FLVCR1: variants seen among roughly 807,000 people sequenced by gnomAD.
The protein encoded by FLVCR1 is choline/ethanolamine transporter FLVCR1.
Under a neutral mutation model 53.6 loss-of-function variants are expected in FLVCR1, and 34 were observed. The ratio of observed to expected loss-of-function variants is 0.63; its 90% confidence interval spans 0.48 to 0.84. The LOEUF is 0.84. Among genes scored for constraint, FLVCR1 ranks in the 40% least tolerant of loss-of-function variants. FLVCR1 has a pLI of 0.00. For synonymous variants in FLVCR1, 300 were observed against 286.3 expected (o/e 1.05, Z -0.48); for missense variants, 677 against 696.7 (o/e 0.97, Z 0.32).
intron 5 of FLVCR1, among the ~76,000 whole-genome samples, 177 bp from the exon 6 acceptor site, chr1:212,887,714 T>C (rs1035202317): frequency 4.6e-5 from 7 of 152,206 alleles, no homozygotes; most frequent in African/African-American, 1.4e-4. Context: ...CTGGTGCTGC[T>C]GAATCTTAAA....
In FLVCR1 at chr1:212,872,692, C is replaced by T. The variant is rs1439959048; in HGVS notation, c.898C>T (p.Pro300Ser). 6.2e-7 allele frequency: 1 copy of T among 1,613,130 alleles called. No individual in the cohort carries two copies. Among genetic ancestry groups the T allele is most frequent in the Non-Finnish European group, 8.5e-7 (1 of 1,179,398 alleles). Residue 300 changes from proline to serine, a missense_variant, in exon 3 of 10, where the codon CCT becomes TCT. Physicochemically the swap from Pro to Ser is moderately conservative, Grantham distance 74 (BLOSUM62 -1). Transcript: ENST00000366971. The part of the protein sequence containing the change: ...ILTAIAFKEK[P>S]RYPPSQAQAA... The stretch of plus-strand genomic sequence containing the variant: ...TATATTCTCAGCCTTCAAAGAAAAA[C>T]CTCGGTATCCACCAAGTCAGGCTCA...
At chr1:212,860,676 C>G (rs1664208555) in intron 1 of FLVCR1, among the ~76,000 whole-genome samples, 1 of 152,106 alleles carries the variant, frequency 6.6e-6, no homozygotes, top group Non-Finnish European at 1.5e-5. Context: ...TTACCTATTA[C>G]TTTTCTCTTA....
At chr1:212,871,367 T>C (rs920175278) in intron 2 of FLVCR1, among the ~76,000 whole-genome samples, 5 of 152,194 alleles carry the variant, frequency 3.3e-5, no homozygotes, top group African/African-American at 1.2e-4. Context: ...GTACCATATT[T>C]TAGCAGTTCA....
rs778490394 is a variant in FLVCR1, at chr1:212,858,635, G to A, written c.183G>A (p.Ser61=). 3 of 1,536,220 alleles carry A rather than the reference G, an allele frequency of 2.0e-6. No homozygotes were observed. Among genetic ancestry groups the A allele is most frequent in the East Asian group, 4.9e-5 (2 of 40,760 alleles). Reference sequence around the variant, plus strand: ...CCCGGGACAGCCTCGCTGCCGCCTCGGGAGTTCTGGGCGGGCCTCAGACTC... The same window carrying A: ...CCCGGGACAGCCTCGCTGCCGCCTCAGGAGTTCTGGGCGGGCCTCAGACTC... ...GAPRDSLAAA[S]GVLGGPQTPL... Residue 61 remains serine, a synonymous_variant, in exon 1 of 10, where the codon TCG becomes TCA. Transcript: ENST00000366971.
intron 3 of FLVCR1, among the ~76,000 whole-genome samples, chr1:212,877,917 A>G (rs1056823845): frequency 6.6e-6 from 1 of 152,190 alleles, no homozygotes; most frequent in Non-Finnish European, 1.5e-5. Flanking sequence ...GCTCAGTAAC[A>G]CAAGAAAGAA....
At chr1:212,861,385 T>C (rs150568155) in intron 1 of FLVCR1, among the ~76,000 whole-genome samples, 1 of 152,216 alleles carries the variant, frequency 6.6e-6, no homozygotes, top group African/African-American at 2.4e-5. Context: ...TTCTTTTTGA[T>C]AGCTGAATAA....
At chr1:212,893,701 C>A (rs1385068647) in intron 8 of FLVCR1, among the ~76,000 whole-genome samples, 1 of 152,150 alleles carries the variant, frequency 6.6e-6, no homozygotes, top group East Asian at 1.9e-4. Context: ...AAGGCAAGAC[C>A]CTCCACCAGC....
intron 2 of FLVCR1, among the ~76,000 whole-genome samples, chr1:212,871,065 G>A (rs913324881): frequency 2.8e-4 from 42 of 151,974 alleles, no homozygotes; most frequent in African/African-American, 9.9e-4. Context: ...CCACTGTGCC[G>A]GGCTTCTTTT....
rs10864027 is a variant in FLVCR1 at position 212,897,709 on chromosome 1, G to A, written c.*2419G>A. Reference sequence around the variant, plus strand: ...AGAGATGTCACATGGCGAAGCAGGAGCAAGAGAGCAGGGAGGTGCCACACA... The same window carrying A: ...AGAGATGTCACATGGCGAAGCAGGAACAAGAGAGCAGGGAGGTGCCACACA... On this transcript the variant is annotated 3_prime_UTR_variant, in exon 10 of 10. Transcript: ENST00000366971. 0.39 allele frequency: 59,705 copies of A among 151,582 alleles called. 13,284 individuals carry two copies. The highest frequency in any genetic ancestry group is 0.52 in the South Asian group (2,505 of 4,818). The allele number at this position is 151,582 out of a possible 1,614,324, so 9.4% of individuals were successfully genotyped here. A position where few individuals can be genotyped will look rare whatever the true frequency, so the allele number is the denominator to read the frequency against.
chr1:212,890,338 G>A (rs1167297804), intron 8 of FLVCR1, among the ~76,000 whole-genome samples: 1 of 152,080 alleles, frequency 6.6e-6, no homozygotes, highest in Non-Finnish European at 1.5e-5. Flanking sequence ...GAGGATGTGT[G>A]TACGTTATAT....
chr1:212,891,752 G>A (rs936704227), intron 8 of FLVCR1, among the ~76,000 whole-genome samples: 2 of 152,110 alleles, frequency 1.3e-5, no homozygotes, highest in East Asian at 1.9e-4. Context: ...TAAATCAGAA[G>A]CTAAAAATGA....
intron 3 of FLVCR1, among the ~76,000 whole-genome samples, 172 bp downstream of exon 3, chr1:212,872,990 T>A (rs1450964861): frequency 6.6e-6 from 1 of 152,126 alleles, no homozygotes. Context: ...TTCTTACATA[T>A]TTTTAAAAAT....
intron 1 of FLVCR1, among the ~76,000 whole-genome samples, chr1:212,860,675 A>G (rs183884021): frequency 2.8e-4 from 42 of 152,074 alleles, no homozygotes; most frequent in African/African-American, 9.9e-4. Flanking sequence ...CTTACCTATT[A>G]CTTTTCTCTT....
At chr1:212,882,873 TG>T (rs41297450) in intron 3 of FLVCR1, among the ~76,000 whole-genome samples, 33,593 of 151,938 alleles carry the variant, frequency 0.22, 4,347 homozygotes, top group East Asian at 0.44. Context: ...CTCTCCAGCC[TG>T]GGCAACAGAG....
At chr1:212,869,255 T>G (rs1035001380) in intron 2 of FLVCR1, among the ~76,000 whole-genome samples, 6 of 152,192 alleles carry the variant, frequency 3.9e-5, no homozygotes, top group African/African-American at 1.4e-4. Context: ...GTGCAAATTT[T>G]TGGTTGGGAG....
intron 1 of FLVCR1, 72 bp from the exon 2 acceptor site, chr1:212,863,653 G>A: frequency 2.3e-6 from 3 of 1,306,498 alleles, no homozygotes; most frequent in Non-Finnish European, 3.3e-6. Flanking sequence ...TCCTCTTTAT[G>A]TTCTGTTAAT....
chr1:212,865,500 T>TTTTTTTTTTTTTTA (rs1664387641), intron 2 of FLVCR1, among the ~76,000 whole-genome samples: 3 of 140,136 alleles, frequency 2.1e-5, no homozygotes, highest in Admixed American at 7.2e-5. Flanking sequence ...TTTTTTTTTT[T>TTTTTTTTTTTTTTA]GAGACAGAGT....
chr1:212,875,307 C>T (rs1317780454), intron 3 of FLVCR1, among the ~76,000 whole-genome samples: 6 of 152,156 alleles, frequency 3.9e-5, no homozygotes, highest in Non-Finnish European at 8.8e-5. Context: ...AGTTGTATGG[C>T]AAGTGCATGC....
chr1:212,888,507 C>T lies in FLVCR1; in HGVS notation c.1326C>T (p.Tyr442=). The T allele has an allele frequency of 6.2e-7, 1 of 1,613,246 alleles. No individual in the cohort carries two copies. Among genetic ancestry groups the T allele is most frequent in the Non-Finnish European group, 8.5e-7 (1 of 1,179,332 alleles). ...GGVLGFFMTG[Y]LPLGFEFAVE... ...TTCCTAGCTTCTTCATGACTGGTTA[C>T]CTCCCTTTGGGTTTTGAATTTGCTG... is the stretch of plus-strand genomic sequence containing the variant. The change falls in exon 7 of 10, where the codon TAC becomes TAT. Residue 442 remains tyrosine (Y), a synonymous_variant. Coordinates refer to ENST00000366971, the MANE Select transcript of FLVCR1 (RefSeq NM_014053.4).
Sources: allele counts gnomAD v4.1 joint callset (sites outside exome capture counted in the v4.1 genomes callset), GRCh38; gene constraint gnomAD v4.1.1; transcripts MANE v1.5; gene names NCBI Gene and HGNC (gene_info 2026-07-23, HGNC 2026-07-21).